SSC5D: variants seen among roughly 807,000 people sequenced by gnomAD.
The protein encoded by SSC5D is soluble scavenger receptor cysteine-rich domain-containing protein SSC5D.
In SSC5D, 106 loss-of-function variants were observed where a neutral mutation model predicts 104.6. The observed-to-expected ratio is 1.01, with a 90% CI of 0.87 to 1.19. The LOEUF (loss-of-function observed/expected upper bound fraction) is 1.19. Among genes scored for constraint, SSC5D ranks in the 50% most tolerant of loss-of-function variants. SSC5D has a pLI of 0.00. For synonymous variants in SSC5D, 860 were observed against 883.5 expected (o/e 0.97, Z 0.47); for missense variants, 1,993 against 2,153.8 (o/e 0.93, Z 1.48).
At position 55,491,054 on chromosome 19, in the gene SSC5D, G is replaced by T. The variant is rs1294862520; in HGVS notation, c.869G>T (p.Ser290Ile). The T allele has an allele frequency of 1.3e-6, 2 of 1,550,166 alleles. No homozygotes were observed. Among genetic ancestry groups the T allele is most frequent in the Non-Finnish European group, 1.7e-6 (2 of 1,146,710 alleles). The change falls in exon 6 of 14, where the codon AGC becomes ATC. Residue 290 changes from serine (S) to isoleucine (I), a missense_variant. By Grantham distance (142) the Ser-to-Ile change is moderately radical. This residue lies in a region of SSC5D where 1,101 missense variants were observed against 1,085.0 expected (regional missense o/e 1.01). Coordinates refer to ENST00000389623, the MANE Select transcript of SSC5D (RefSeq NM_001144950.2). ...TGGGGCCGGAGCAACTGTGACCACA[G>T]CGAGGATGCGGGGCTGGTCTGCACC... is the stretch of plus-strand genomic sequence containing the variant. ...SPWGRSNCDH[S>I]EDAGLVCTGP...
chr19:55,503,969 G>C lies in SSC5D; in HGVS notation c.2785+2768G>C. On this transcript the variant is annotated intron_variant, in intron 12 of 13. Transcript: ENST00000389623. This position sits in a 1 kb window ranked among gnomAD's most constrained non-coding sequence, Gnocchi z 4.0. Reference sequence around the variant, plus strand: ...TTGGCCAGCCGGCGCATCGCCCGCAGTAATAATAGCTGGGCGAAGGGCAAC... The same window carrying C: ...TTGGCCAGCCGGCGCATCGCCCGCACTAATAATAGCTGGGCGAAGGGCAAC... 1.3e-6 allele frequency: 1 copy of C among 756,184 alleles called. No homozygotes were observed. Among genetic ancestry groups the C allele is most frequent in the East Asian group, 3.0e-5 (1 of 33,708 alleles). 46.8% of individuals were successfully genotyped at this position (756,184 alleles called of 1,614,324 possible).
Position 55,490,376 on chromosome 19 carries a change from C to A in SSC5D, c.554C>A (p.Ala185Asp). 1 of 1,516,322 alleles carries A rather than the reference C, an allele frequency of 6.6e-7. No individual in the cohort carries two copies. Among genetic ancestry groups the A allele is most frequent in the Non-Finnish European group, 8.9e-7 (1 of 1,120,748 alleles). The allele number at this position is 1,516,322 out of a possible 1,614,324, so 93.9% of individuals were successfully genotyped here. Residue 185 changes from alanine (A) to aspartate (D), a missense_variant, in exon 5 of 14, where the codon GCC becomes GAC. Ala to Asp is a moderately radical substitution (Grantham distance 126). Transcript: ENST00000389623. The stretch of plus-strand genomic sequence containing the variant: ...CCCAAGCAGGCCAAGTCCACCCGGG[C>A]CCCTCTGCTGACGACAGGAGCCCCC... Reference protein sequence around the residue: ...PRPKQAKSTRAPLLTTGAPRQ... With the variant: ...PRPKQAKSTRDPLLTTGAPRQ...
At chr19:55,510,393 G>A (rs147638683) in intron 12 of SSC5D, among the ~76,000 whole-genome samples, 1,613 of 152,236 alleles carry the variant, frequency 0.011, 31 homozygotes, top group African/African-American at 0.037. Context: ...TTGTTGCCCA[G>A]GCTTGAGTGC....
In SSC5D at chr19:55,517,844, A is replaced by G; in HGVS notation, c.3568A>G (p.Ile1190Val). ...CACCACGACCCCTCACCCCACCACC[A>G]TCACTCACTCCACCATGATTCCTGA... ...HPTTTPHPTT[I>V]THSTMIPDPT... Residue 1190 changes from isoleucine to valine, a missense_variant, in exon 14 of 14, where the codon ATC (isoleucine) becomes GTC (valine). Coordinates refer to ENST00000389623, the MANE Select transcript of SSC5D (RefSeq NM_001144950.2). 7.8e-7 allele frequency: 1 copy of G among 1,283,420 alleles called. No homozygotes were observed. The highest frequency in any genetic ancestry group is 1.0e-6 in the Non-Finnish European group (1 of 981,042). The allele number at this position is 1,283,420 out of a possible 1,614,324, so 79.5% of individuals were successfully genotyped here. A position where few individuals can be genotyped will look rare whatever the true frequency, so the allele number is the denominator to read the frequency against.
At chr19:55,498,298 A>T in intron 9 of SSC5D, 101 bp downstream of exon 9, 1 of 1,284,140 alleles carries the variant, frequency 7.8e-7, no homozygotes, top group Non-Finnish European at 1.1e-6. Context: ...CCTAAGCCCC[A>T]GCCCTGTGCT....
intron 3 of SSC5D, 38 bp from the exon 4 acceptor site, chr19:55,489,844 C>G (rs1316135734): frequency 2.0e-6 from 3 of 1,531,962 alleles, no homozygotes; most frequent in Middle Eastern, 1.7e-4. Flanking sequence ...GATTCCCCTC[C>G]TCTCCTCATA....
Position 55,504,123 on chromosome 19 carries a change from A to T in SSC5D, c.2785+2922A>T, listed in dbSNP as rs1429813159. The T allele has an allele frequency of 5.9e-6, 9 of 1,535,178 alleles. No individual in the cohort carries two copies. In the East Asian group the frequency reaches 2.2e-4, roughly 38 times the overall value. On this transcript the variant is annotated intron_variant, in intron 12 of 13. Coordinates refer to ENST00000389623, the MANE Select transcript of SSC5D (RefSeq NM_001144950.2). ...CTATCATTCCGTTTCCAGAGCCGGA[A>T]GCGGGAGCTCCGAGAGGTGATGCTC...
rs750120046 is a variant in SSC5D at position 55,500,568 on chromosome 19, G to A, written c.2381G>A (p.Gly794Glu). 1.2e-5 allele frequency: 19 copies of A among 1,551,622 alleles called. No homozygotes were observed. The highest frequency in any genetic ancestry group is 1.5e-5 in the Non-Finnish European group (17 of 1,146,994). Residue 794 changes from glycine (G) to glutamate (E), a missense_variant, in exon 11 of 14, where the codon GGA (glycine) becomes GAA (glutamate). Gly to Glu is a moderately conservative substitution (Grantham distance 98, BLOSUM62 -2). Around this residue, in one of 6 missense-constraint regions of SSC5D, gnomAD observed 70 missense variants for 107.1 expected, o/e 0.65. Coordinates refer to ENST00000389623, the MANE Select transcript of SSC5D (RefSeq NM_001144950.2). This position sits in a 1 kb window ranked among gnomAD's most constrained non-coding sequence, Gnocchi z 4.6. ...GAAGTGTGGCATGCCGGACGCTGGGGAACAGTGTGTGATGACAACTGGGAC... is the reference window on the plus strand; with the variant it reads ...GAAGTGTGGCATGCCGGACGCTGGGAAACAGTGTGTGATGACAACTGGGAC... ...RLEVWHAGRW[G>E]TVCDDNWDLR...
chr19:55,516,514 C>T (rs959122444), intron 13 of SSC5D, among the ~76,000 whole-genome samples: 1 of 148,118 alleles, frequency 6.8e-6, no homozygotes, highest in South Asian at 2.1e-4. Flanking sequence ...AAAAAAAAGT[C>T]ACTGAAGACA....
At chr19:55,502,778 C>A (rs1294280599) in intron 12 of SSC5D, among the ~76,000 whole-genome samples, 2 of 152,038 alleles carry the variant, frequency 1.3e-5, no homozygotes, top group Non-Finnish European at 2.9e-5. Flanking sequence ...ACCTCAGCCT[C>A]CTGAATAGCT....
At chr19:55,512,818 C>A (rs984255387) in intron 12 of SSC5D, among the ~76,000 whole-genome samples, 193 bp from the exon 13 acceptor site, 1 of 152,058 alleles carries the variant, frequency 6.6e-6, no homozygotes, top group Non-Finnish European at 1.5e-5. Context: ...GTTTAGTGAC[C>A]GTTTCCGTCG....
chr19:55,517,349 G>A lies in SSC5D; in HGVS notation c.3073G>A (p.Asp1025Asn), dbSNP rs978620110. Residue 1025 changes from aspartate (D) to asparagine (N), a missense_variant, in exon 14 of 14, where the codon GAC (aspartate) becomes AAC (asparagine). By Grantham distance (23) the Asp-to-Asn change is conservative. This residue lies in a region of SSC5D where 423 missense variants were observed against 409.2 expected (regional missense o/e 1.03). Transcript: ENST00000389623. The part of the protein sequence containing the change: ...PGPPGPALTS[D>N]SSRELTPHSA... ...ACCCCCAGGCCCAGCGCTGACCTCTGACTCCAGTCGAGAGCTCACTCCCCA... is the reference window on the plus strand; with the variant it reads ...ACCCCCAGGCCCAGCGCTGACCTCTAACTCCAGTCGAGAGCTCACTCCCCA... The A allele has an allele frequency of 4.5e-6, 7 of 1,550,278 alleles. No homozygotes were observed. The African/African-American group carries it at 8.2e-5, about 18-fold the overall frequency.
chr19:55,490,244 TG>T (rs1987098858), intron 4 of SSC5D, 53 bp from the exon 5 acceptor site: 4 of 672,544 alleles, frequency 5.9e-6, no homozygotes, highest in Admixed American at 2.4e-5. Flanking sequence ...GGCCCCCAGG[TG>T]GGAGGAAGGA....
intron 13 of SSC5D, among the ~76,000 whole-genome samples, chr19:55,514,042 T>C (rs657414): frequency 0.4 from 60,235 of 152,050 alleles, 13,942 homozygotes; most frequent in South Asian, 0.58. Context: ...TGAGTGAGGA[T>C]GTGGGAAGAC....
chr19:55,504,756 C>G (rs990252610), intron 12 of SSC5D, among the ~76,000 whole-genome samples: 38 of 152,120 alleles, frequency 2.5e-4, no homozygotes, highest in African/African-American at 8.9e-4. Flanking sequence ...CTTGGCCTCC[C>G]GAAGTGCTGA....
At position 55,497,996 on chromosome 19, in the gene SSC5D, G is replaced by C; in HGVS notation, c.1504G>C (p.Ala502Pro). 6.4e-7 allele frequency: 1 copy of C among 1,551,810 alleles called. No individual in the cohort carries two copies. Among genetic ancestry groups the C allele is most frequent in the East Asian group, 2.4e-5 (1 of 40,922 alleles). ...CGATAGCTGGGACATGCGGGATTCA[G>C]CTGTGGTCTGCCGGGAGCTGGGCTG... ...CDDSWDMRDS[A>P]VVCRELGCGG... The change falls in exon 9 of 14, where the codon GCT becomes CCT. Residue 502 changes from alanine (A) to proline (P), a missense_variant. Ala to Pro is a conservative substitution (Grantham distance 27). This residue lies in a region of SSC5D where 1,101 missense variants were observed against 1,085.0 expected (regional missense o/e 1.01). Coordinates refer to ENST00000389623, the MANE Select transcript of SSC5D (RefSeq NM_001144950.2).
At chr19:55,508,283 G>T (rs1340157545) in intron 12 of SSC5D, among the ~76,000 whole-genome samples, 1 of 152,174 alleles carries the variant, frequency 6.6e-6, no homozygotes, top group Non-Finnish European at 1.5e-5. Context: ...ATCGCCGGAG[G>T]TTTATCACCC....
chr19:55,516,132 C>T (rs1426479950), intron 13 of SSC5D, among the ~76,000 whole-genome samples: 1 of 148,290 alleles, frequency 6.7e-6, no homozygotes, highest in East Asian at 2.0e-4. Context: ...TACATAATAT[C>T]ATAATACAGT....
intron 12 of SSC5D, among the ~76,000 whole-genome samples, chr19:55,506,062 T>C (rs1568482207): frequency 6.6e-6 from 1 of 151,752 alleles, no homozygotes; most frequent in Non-Finnish European, 1.5e-5. Context: ...AGGACTTAGA[T>C]TGGGGCCACT....
Sources: allele counts gnomAD v4.1 joint callset (sites outside exome capture counted in the v4.1 genomes callset), GRCh38; gene constraint gnomAD v4.1.1; regional missense constraint gnomAD v4.1.1; non-coding constraint Gnocchi (gnomAD v3.1); transcripts MANE v1.5; gene names NCBI Gene and HGNC (gene_info 2026-07-23, HGNC 2026-07-21).